The following PADI4 variants were observed in gnomAD, a reference collection of about 807,000 sequenced individuals.
PADI4 encodes the protein protein-arginine deiminase type-4.
Under a neutral mutation model 75.0 loss-of-function variants are expected in PADI4, and 62 were observed. The ratio of observed to expected loss-of-function variants is 0.83; its 90% CI spans 0.67 to 1.02. The LOEUF (loss-of-function observed/expected upper bound fraction) is 1.02, where lower values mean the gene tolerates loss of function less well. Ranked by LOEUF, PADI4 falls within the 50% of genes least tolerant of loss-of-function variation. PADI4 has a pLI of 0.00. For synonymous variants in PADI4, 361 were observed against 348.1 expected (o/e 1.04, Z -0.41); for missense variants, 845 against 850.5 (o/e 0.99, Z 0.08).
At chr1:17,325,562 A>G (rs2100688263) in intron 1 of PADI4, among the ~76,000 whole-genome samples, 1 of 152,084 alleles carries the variant, frequency 6.6e-6, no homozygotes, top group Non-Finnish European at 1.5e-5. Context: ...GAGTTTGCAG[A>G]CAACTGTATT....
At chr1:17,349,912 T>G (rs1206531777) in intron 10 of PADI4, among the ~76,000 whole-genome samples, 1 of 122,818 alleles carries the variant, frequency 8.1e-6, no homozygotes, top group Non-Finnish European at 1.8e-5. Flanking sequence ...GCCTAACGTT[T>G]CCCCACCTCA....
chr1:17,361,608 C>T (rs918987724), intron 15 of PADI4, among the ~76,000 whole-genome samples: 3 of 152,224 alleles, frequency 2.0e-5, no homozygotes, highest in African/African-American at 7.2e-5. Context: ...CCTACATGTT[C>T]TTACCTAATT....
rs558755982 is a variant in PADI4, at chr1:17,336,922, C to T, written c.408+696C>T. Reference sequence around the variant, plus strand: ...CATTTCCCAGGGGCAAACGCTCTCCCGCGAAGGGAGGCGCCATCACTATTA... The same window carrying T: ...CATTTCCCAGGGGCAAACGCTCTCCTGCGAAGGGAGGCGCCATCACTATTA... On this transcript the variant is annotated intron_variant, in intron 4 of 15. Coordinates refer to ENST00000375448, the MANE Select transcript of PADI4 (RefSeq NM_012387.3). Among the ~76,000 whole-genome samples, 18 of 152,306 alleles carry T rather than the reference C, an allele frequency of 1.2e-4. No homozygotes were observed. In the South Asian group the frequency reaches 1.2e-3, roughly 11 times the overall value.
At chr1:17,316,387 C>G (rs2073933673) in intron 1 of PADI4, among the ~76,000 whole-genome samples, 1 of 150,832 alleles carries the variant, frequency 6.6e-6, no homozygotes, top group African/African-American at 2.5e-5. Context: ...GAGCAAGACT[C>G]TGTCTCAAAA....
chr1:17,326,182 A>T (rs1057193072), intron 1 of PADI4, among the ~76,000 whole-genome samples: 1 of 151,386 alleles, frequency 6.6e-6, no homozygotes, highest in East Asian at 1.9e-4. Context: ...GTTGCCAGAG[A>T]TTTGTCAGTT....
intron 1 of PADI4, among the ~76,000 whole-genome samples, chr1:17,322,265 A>G (rs2074042630): frequency 1.3e-5 from 2 of 152,206 alleles, no homozygotes; most frequent in East Asian, 1.9e-4. Context: ...AGGCGGGTGG[A>G]TCACCTGAGG....
intron 4 of PADI4, among the ~76,000 whole-genome samples, chr1:17,336,791 G>T (rs2074320528): frequency 6.6e-6 from 1 of 152,258 alleles, no homozygotes; most frequent in Admixed American, 6.5e-5. Context: ...ACTGGGGGCT[G>T]TGCCCTGTAA....
Position 17,354,671 on chromosome 1 carries a change from G to T in PADI4, c.1294G>T (p.Asp432Tyr). 3.1e-6 allele frequency: 5 copies of T among 1,609,192 alleles called. No individual in the cohort carries two copies. The highest frequency in any genetic ancestry group is 4.2e-6 in the Non-Finnish European group (5 of 1,177,166). ...CCCGCTGGGCAGGATTCTCTTCGGG[G>T]ACAGCTGTTATCCCAGGTAAGGAGG... Reference protein sequence around the residue: ...EYPLGRILFGDSCYPSNDSRQ... With the variant: ...EYPLGRILFGYSCYPSNDSRQ... Residue 432 changes from aspartate to tyrosine, a missense_variant, in exon 11 of 16, where the codon GAC (aspartate) becomes TAC (tyrosine). Coordinates refer to ENST00000375448, the MANE Select transcript of PADI4 (RefSeq NM_012387.3).
chr1:17,347,717 G>A (rs1354236507), intron 9 of PADI4, among the ~76,000 whole-genome samples: 2 of 152,224 alleles, frequency 1.3e-5, no homozygotes, highest in South Asian at 2.1e-4. Context: ...CCAGGAGTAG[G>A]AGGGAAGGGC....
Position 17,346,069 on chromosome 1 carries a change from T to C in PADI4, c.977T>C (p.Leu326Pro), listed in dbSNP as rs1390444926. The change falls in exon 9 of 16, where the codon CTG becomes CCG. Residue 326 changes from leucine (L) to proline (P), a missense_variant. Physicochemically the swap from Leu to Pro is moderately conservative, Grantham distance 98. Transcript: ENST00000375448. This position sits in a 1 kb window ranked among gnomAD's most constrained non-coding sequence, Gnocchi z 4.3. The part of the protein sequence containing the change: ...NEDFLKSVTT[L>P]AMKAKCKLTI... The stretch of plus-strand genomic sequence containing the variant: ...GACTTCCTGAAGTCAGTGACTACTC[T>C]GGCCATGAAAGCCAAGTGCAAGCTG... The C allele has an allele frequency of 1.2e-6, 2 of 1,613,938 alleles. No homozygotes were observed. The highest frequency in any genetic ancestry group is 2.2e-5 in the South Asian group (2 of 91,080).
chr1:17,352,121 AGAGAGGTGAT>A (rs2074663931), intron 10 of PADI4, among the ~76,000 whole-genome samples: 1 of 109,680 alleles, frequency 9.1e-6, no homozygotes, highest in Non-Finnish European at 2.1e-5. Context: ...GACTGTGGTC[AGAGAGGTGAT>A]GGGAGGCAGT....
In PADI4 at chr1:17,323,321, G is replaced by T. The variant is rs531457544; in HGVS notation, c.93-7648G>T. Among the ~76,000 whole-genome samples, 3 of 100,620 alleles carry T rather than the reference G, an allele frequency of 3.0e-5. No individual in the cohort carries two copies. In the South Asian group the frequency reaches 9.4e-4, roughly 31 times the overall value. The allele number at this position is 100,620 out of a possible 152,430, so 66.0% of individuals were successfully genotyped here. A position where few individuals can be genotyped will look rare whatever the true frequency, so the allele number is the denominator to read the frequency against. On this transcript the variant is annotated intron_variant, in intron 1 of 15. Transcript: ENST00000375448. ...ACCTTATGACAGAAGTGATATTCCA[G>T]CACTTTTACTTCCTTGGTTAGAAGG...
chr1:17,315,005 C>T (rs909104806), intron 1 of PADI4, among the ~76,000 whole-genome samples: 4 of 152,222 alleles, frequency 2.6e-5, no homozygotes, highest in African/African-American at 9.6e-5. Context: ...GATGACAACC[C>T]AGCCATCCTG....
At chr1:17,326,170 A>G (rs1422806472) in intron 1 of PADI4, among the ~76,000 whole-genome samples, 3 of 151,880 alleles carry the variant, frequency 2.0e-5, no homozygotes, top group Admixed American at 1.3e-4. Flanking sequence ...CTCTTGATCA[A>G]TGTTGCCAGA....
intron 9 of PADI4, 91 bp from the exon 10 acceptor site, chr1:17,347,850 G>T: frequency 1.6e-6 from 1 of 638,464 alleles, no homozygotes; most frequent in South Asian, 2.1e-5. Context: ...AAGGGTGAGA[G>T]TGAGTGGATG....
At chr1:17,363,255 A>G (rs892824431) in intron 15 of PADI4, among the ~76,000 whole-genome samples, 9 of 152,206 alleles carry the variant, frequency 5.9e-5, no homozygotes, top group Non-Finnish European at 1.2e-4. Context: ...AGTAGCTGGG[A>G]CCACAGGCAC....
At chr1:17,355,569 G>A (rs1388435275) in intron 11 of PADI4, among the ~76,000 whole-genome samples, 2 of 151,556 alleles carry the variant, frequency 1.3e-5, no homozygotes, top group African/African-American at 4.8e-5. Context: ...GGAAGAACAA[G>A]GCACTGCAAC....
chr1:17,318,968 G>A (rs1186693510), intron 1 of PADI4, among the ~76,000 whole-genome samples: 3 of 152,048 alleles, frequency 2.0e-5, no homozygotes, highest in Admixed American at 1.3e-4. Context: ...GATTACAGGC[G>A]GGAGCCACTG....
At chr1:17,359,674 G>A (rs1485689249) in intron 15 of PADI4, among the ~76,000 whole-genome samples, 1 of 152,208 alleles carries the variant, frequency 6.6e-6, no homozygotes, top group African/African-American at 2.4e-5. Context: ...CAGGTGGGCA[G>A]AGCCCTGGGC....
Sources: allele counts gnomAD v4.1 joint callset (sites outside exome capture counted in the v4.1 genomes callset), GRCh38; gene constraint gnomAD v4.1.1; non-coding constraint Gnocchi (gnomAD v3.1); transcripts MANE v1.5; gene names NCBI Gene and HGNC (gene_info 2026-07-23, HGNC 2026-07-21).